The following PPM1L variants were observed in gnomAD, a reference collection of about 807,000 sequenced individuals.
The protein encoded by PPM1L is protein phosphatase 1L.
In PPM1L, 13 loss-of-function variants were observed where a neutral mutation model predicts 31.4. The observed-to-expected ratio is 0.41, with a 90% CI of 0.27 to 0.66. The LOEUF is 0.66. PPM1L is among the 30% of genes least tolerant of loss of function. The probability of loss-of-function intolerance (pLI) is 0.29; values close to 1 mark genes in which losing one functional copy is unlikely to be tolerated. For synonymous variants in PPM1L, 184 were observed against 175.4 expected, an observed-to-expected ratio of 1.05 and a Z score of -0.39; for missense variants, 326 against 453.7, an observed-to-expected ratio of 0.72 and a Z score of 2.56.
intron 2 of PPM1L, among the ~76,000 whole-genome samples, chr3:160,971,775 T>C (rs1716350049): frequency 6.6e-6 from 1 of 152,160 alleles, no homozygotes; most frequent in South Asian, 2.1e-4. Flanking sequence ...ACATTCTTTT[T>C]TTTATTGAGA....
intron 1 of PPM1L, among the ~76,000 whole-genome samples, chr3:160,802,275 A>G (rs1712452736): frequency 6.6e-6 from 1 of 152,054 alleles, no homozygotes. Flanking sequence ...AACCCTGGTC[A>G]GTGATCTGTG....
intron 2 of PPM1L, among the ~76,000 whole-genome samples, chr3:161,060,329 C>T (rs1307146490): frequency 6.6e-6 from 1 of 152,044 alleles, no homozygotes; most frequent in Non-Finnish European, 1.5e-5. Flanking sequence ...CATGTATGGG[C>T]AACAGGAGGG....
At chr3:160,799,555 T>A (rs1427518977) in intron 1 of PPM1L, among the ~76,000 whole-genome samples, 1 of 152,250 alleles carries the variant, frequency 6.6e-6, no homozygotes, top group African/African-American at 2.4e-5. Context: ...AACTTTTATT[T>A]GCACTGGGAA....
intron 2 of PPM1L, among the ~76,000 whole-genome samples, chr3:161,032,536 G>A (rs1235952625): frequency 6.6e-6 from 1 of 152,134 alleles, no homozygotes; most frequent in East Asian, 1.9e-4. Flanking sequence ...ATTCTCAGGT[G>A]TTCAACTAAC....
intron 1 of PPM1L, among the ~76,000 whole-genome samples, chr3:160,843,395 A>G (rs557835790): frequency 1.2e-4 from 9 of 74,554 alleles, no homozygotes; most frequent in East Asian, 9.8e-4. Context: ...AAACATTATG[A>G]TTTTTTTTTT....
At chr3:160,850,560 G>A (rs1711502341) in intron 1 of PPM1L, among the ~76,000 whole-genome samples, 1 of 152,104 alleles carries the variant, frequency 6.6e-6, no homozygotes, top group African/African-American at 2.4e-5. Flanking sequence ...TAATCACATG[G>A]CTGGTCCCTC....
intron 1 of PPM1L, among the ~76,000 whole-genome samples, chr3:160,843,429 TATATATATATATATATATATATATA>T: frequency 2.4e-5 from 1 of 42,520 alleles, no homozygotes; most frequent in Non-Finnish European, 4.5e-5. Flanking sequence ...AATTCTTTTA[TATATATATATATATATATATATATA>T]TATATATATA....
chr3:161,069,261 C>T lies in PPM1L; in HGVS notation c.*104C>T, dbSNP rs937612031. The stretch of plus-strand genomic sequence containing the variant: ...GAGTTGTAATTAGGATCATCCACCC[C>T]AGACATGGAATCCCCCCTCCCTGGT... On this transcript the variant is annotated 3_prime_UTR_variant, in exon 4 of 4. Transcript: ENST00000498165. 4.6e-6 allele frequency: 4 copies of T among 873,772 alleles called. No homozygotes were observed. In the Admixed American group the frequency reaches 1.1e-4, roughly 25 times the overall value. The allele number at this position is 873,772 out of a possible 1,614,324, so 54.1% of individuals were successfully genotyped here.
rs1719860838 is a variant in PPM1L at position 161,070,055 on chromosome 3, G to C, written c.*898G>C. The stretch of plus-strand genomic sequence containing the variant: ...AACAGTAGATGAAGGAAATGATACT[G>C]AATGAGTCACAGTGTTCCCTGGCAA... On this transcript the variant is annotated 3_prime_UTR_variant, in exon 4 of 4. Coordinates refer to ENST00000498165, the MANE Select transcript of PPM1L (RefSeq NM_139245.4). 6.6e-6 allele frequency: 1 copy of C among 152,170 alleles called. No individual in the cohort carries two copies. The highest frequency in any genetic ancestry group is 1.5e-5 in the Non-Finnish European group (1 of 68,052). 9.4% of individuals were successfully genotyped at this position (152,170 alleles called of 1,614,324 possible). A position where few individuals can be genotyped will look rare whatever the true frequency, so the allele number is the denominator to read the frequency against.
intron 1 of PPM1L, among the ~76,000 whole-genome samples, chr3:160,784,541 A>G (rs1364282338): frequency 1.3e-5 from 2 of 152,232 alleles, no homozygotes; most frequent in South Asian, 2.1e-4. Context: ...GGTTACCCAT[A>G]CTGCTTTTGC....
intron 1 of PPM1L, among the ~76,000 whole-genome samples, chr3:160,944,945 AC>A (rs1490878622): frequency 6.6e-5 from 4 of 60,270 alleles, no homozygotes; most frequent in South Asian, 3.7e-4. Flanking sequence ...ATTATATATA[AC>A]TATATATAAC....
chr3:160,901,838 A>C (rs999850275), intron 1 of PPM1L, among the ~76,000 whole-genome samples: 1 of 152,114 alleles, frequency 6.6e-6, no homozygotes, highest in Non-Finnish European at 1.5e-5. Context: ...ATCTTTCCTC[A>C]TAGGGTGTGG....
At chr3:161,049,798 T>A (rs1576806968) in intron 2 of PPM1L, among the ~76,000 whole-genome samples, 1 of 152,130 alleles carries the variant, frequency 6.6e-6, no homozygotes, top group Non-Finnish European at 1.5e-5. Flanking sequence ...ATCCTGTAAC[T>A]CCTCCTCCTC....
chr3:160,971,602 C>T (rs746817020), intron 2 of PPM1L, among the ~76,000 whole-genome samples: 7 of 152,154 alleles, frequency 4.6e-5, no homozygotes, highest in Non-Finnish European at 2.9e-5. Context: ...ATGAGAGAAC[C>T]CGTAAATCTT....
chr3:161,043,063 T>A (rs6772578), intron 2 of PPM1L, among the ~76,000 whole-genome samples: 94,272 of 147,068 alleles, frequency 0.64, 32,720 homozygotes, highest in East Asian at 0.97. Flanking sequence ...TTCAAATCAG[T>A]GGTTGACTTC....
At chr3:160,789,166 G>A (rs1712024599) in intron 1 of PPM1L, among the ~76,000 whole-genome samples, 1 of 151,790 alleles carries the variant, frequency 6.6e-6, no homozygotes, top group Non-Finnish European at 1.5e-5. Flanking sequence ...AAGTCTTAAA[G>A]TTCTTCATAT....
intron 2 of PPM1L, among the ~76,000 whole-genome samples, chr3:160,998,953 C>CA (rs952537356): frequency 4.6e-5 from 7 of 151,506 alleles, no homozygotes; most frequent in Admixed American, 3.9e-4. Flanking sequence ...GAATCTTAAA[C>CA]AAAAAAAGAA....
At chr3:160,872,606 A>G (rs1226806093) in intron 1 of PPM1L, among the ~76,000 whole-genome samples, 1 of 152,154 alleles carries the variant, frequency 6.6e-6, no homozygotes, top group Non-Finnish European at 1.5e-5. Flanking sequence ...TAAATACACT[A>G]CTAGTTTTAG....
In PPM1L at chr3:161,077,600, G is replaced by C. The variant is rs184683443; in HGVS notation, c.*8443G>C. ...GCCCCCAAAGACAGCCCAGAACTGA[G>C]TATCTTCAGTGTTCCTGAGTGTAAA... On this transcript the variant is annotated 3_prime_UTR_variant, in exon 4 of 4. Transcript: ENST00000498165. The C allele has an allele frequency of 1.2e-4, 18 of 152,334 alleles. No individual in the cohort carries two copies. The highest frequency in any genetic ancestry group is 1.2e-3 in the Admixed American group (18 of 15,298). The allele number at this position is 152,334 out of a possible 1,614,324, so 9.4% of individuals were successfully genotyped here.
Sources: gnomAD v4.1 joint callset for allele counts (sites outside exome capture counted in the v4.1 genomes callset) on GRCh38, gnomAD v4.1.1 for gene constraint, MANE v1.5 for transcripts, NCBI Gene and HGNC (gene_info 2026-07-23, HGNC 2026-07-21) for gene names.